FUT8: variants seen among roughly 807,000 people sequenced by gnomAD.
FUT8 encodes the protein alpha-(1,6)-fucosyltransferase.
FUT8 carries 29 observed loss-of-function variants against 71.3 expected under a neutral mutation model. The ratio of observed to expected loss-of-function variants is 0.41; its 90% CI spans 0.30 to 0.55. The LOEUF is 0.55. Ranked by LOEUF, FUT8 falls within the 20% of genes least tolerant of loss-of-function variation. The pLI is 0.34. For missense variants in FUT8, 544 were observed against 702.1 expected (o/e 0.77, Z 2.55); for synonymous variants, 254 against 239.3 (o/e 1.06, Z -0.57).
chr14:65,397,701 G>A, the FUT8 span, among the ~76,000 whole-genome samples: 18 of 152,370 alleles, frequency 1.2e-4, no homozygotes, highest in Admixed American at 2.6e-4. This position sits in a 1 kb window ranked among gnomAD's most constrained non-coding sequence, Gnocchi z 4.2. Flanking sequence ...GCTGGGACAG[G>A]CTCCAGCCAC....
chr14:65,569,863 A>G (rs980785452), intron 3 of FUT8, among the ~76,000 whole-genome samples: 4 of 152,080 alleles, frequency 2.6e-5, no homozygotes, highest in Admixed American at 2.6e-4. Flanking sequence ...CAGTGATTGA[A>G]CATGGCTGTG....
chr14:65,609,978 A>T (rs1323097652), intron 3 of FUT8, among the ~76,000 whole-genome samples: 1 of 151,552 alleles, frequency 6.6e-6, no homozygotes, highest in Non-Finnish European at 1.5e-5. Context: ...TTGCTATTGT[A>T]ACTAATAATG....
intron 1 of FUT8, among the ~76,000 whole-genome samples, chr14:65,441,357 A>T (rs2065652020): frequency 6.6e-6 from 1 of 152,218 alleles, no homozygotes; most frequent in African/African-American, 2.4e-5. Flanking sequence ...TTAGAAAAGT[A>T]TACATATATG....
chr14:65,677,756 A>G (rs1892831083), intron 7 of FUT8, among the ~76,000 whole-genome samples: 1 of 152,234 alleles, frequency 6.6e-6, no homozygotes, highest in Non-Finnish European at 1.5e-5. Context: ...TCTAGATGCC[A>G]TGGGAAATAT....
At chr14:65,492,851 G>A (rs1446711717) in intron 2 of FUT8, among the ~76,000 whole-genome samples, 2 of 152,080 alleles carry the variant, frequency 1.3e-5, no homozygotes, top group African/African-American at 4.8e-5. Flanking sequence ...CTAAGTCCAT[G>A]AGGCTTGTTT....
chr14:65,505,706 T>C (rs2066721402), intron 2 of FUT8, among the ~76,000 whole-genome samples: 1 of 152,288 alleles, frequency 6.6e-6, no homozygotes, highest in East Asian at 1.9e-4. Flanking sequence ...AGTGGAACTT[T>C]TATAGTATTT....
chr14:65,616,233 C>A lies in FUT8; in HGVS notation c.342C>A (p.Ile114=). 1 of 1,608,194 alleles carries A rather than the reference C, an allele frequency of 6.2e-7. No individual in the cohort carries two copies. The highest frequency in any genetic ancestry group is 8.5e-7 in the Non-Finnish European group (1 of 1,177,646). Residue 114 remains isoleucine, a synonymous_variant, in exon 5 of 11, where the codon ATC becomes ATA. Transcript: ENST00000673929. ...CAGGTCTGGGGAAGGATCATGAAAT[C>A]CTGAGGAGGAGGATTGAAAATGGAG... ...TRNGLGKDHE[I]LRRRIENGAK...
At chr14:65,440,909 G>A (rs1202148364) in intron 1 of FUT8, among the ~76,000 whole-genome samples, 1 of 152,110 alleles carries the variant, frequency 6.6e-6, no homozygotes, top group Non-Finnish European at 1.5e-5. Context: ...TCACCTAAAT[G>A]AGGCTGAGTA....
intron 1 of FUT8, among the ~76,000 whole-genome samples, chr14:65,445,838 A>G (rs2139512053): frequency 6.6e-6 from 1 of 152,334 alleles, no homozygotes; most frequent in Middle Eastern, 3.4e-3. Context: ...TATGTTGCCC[A>G]GGCTGGTTTG....
chr14:65,540,009 C>A (rs1884582609), intron 2 of FUT8, among the ~76,000 whole-genome samples: 1 of 152,156 alleles, frequency 6.6e-6, no homozygotes, highest in Admixed American at 6.5e-5. Context: ...AATGATACTT[C>A]AAAATTGTAA....
intron 7 of FUT8, among the ~76,000 whole-genome samples, chr14:65,712,369 T>C (rs971245659): frequency 2.6e-5 from 4 of 152,246 alleles, no homozygotes; most frequent in Non-Finnish European, 4.4e-5. Context: ...CTCTGAACTT[T>C]AGAGTTCAAG....
chr14:65,509,054 G>A (rs915056146), intron 2 of FUT8, among the ~76,000 whole-genome samples: 1 of 152,128 alleles, frequency 6.6e-6, no homozygotes, highest in African/African-American at 2.4e-5. Context: ...TTCATAGTTT[G>A]AGGTCTTAGA....
the FUT8 span, among the ~76,000 whole-genome samples, chr14:65,359,086 A>T: frequency 6.6e-6 from 1 of 152,112 alleles, no homozygotes; most frequent in South Asian, 2.1e-4. Flanking sequence ...CCTATTAAGA[A>T]CCAATCTTTT....
In FUT8 at chr14:65,468,311, G is replaced by A. The variant is rs984518859; in HGVS notation, c.-228+12593G>A. 3.0e-5 allele frequency: 18 copies of A among 608,544 alleles called. No individual in the cohort carries two copies. In the East Asian group the frequency reaches 3.2e-4, roughly 11 times the overall value. 37.7% of individuals were successfully genotyped at this position (608,544 alleles called of 1,614,324 possible). A position where few individuals can be genotyped will look rare whatever the true frequency, so the allele number is the denominator to read the frequency against. Reference sequence around the variant, plus strand: ...CTAAAAGGCCTAGAGAACATATATCGGGTGCCTCTCTTCTTTCCCTTTGTG... The same window carrying A: ...CTAAAAGGCCTAGAGAACATATATCAGGTGCCTCTCTTCTTTCCCTTTGTG... On this transcript the variant is annotated intron_variant, in intron 2 of 10. Coordinates refer to ENST00000673929, the MANE Select transcript of FUT8 (RefSeq NM_001371533.1).
intron 7 of FUT8, among the ~76,000 whole-genome samples, chr14:65,695,454 T>A (rs1004633360): frequency 3.9e-5 from 6 of 152,206 alleles, no homozygotes; most frequent in South Asian, 2.1e-4. Context: ...TTCATTTTTT[T>A]AAAAACTTTT....
chr14:65,639,392 TG>T (rs1255059903), intron 6 of FUT8, among the ~76,000 whole-genome samples: 2 of 152,124 alleles, frequency 1.3e-5, no homozygotes, highest in African/African-American at 4.8e-5. Context: ...TTGGATATAC[TG>T]GGCATTAGGT....
the FUT8 span, among the ~76,000 whole-genome samples, chr14:65,387,655 C>A: frequency 6.6e-6 from 1 of 152,170 alleles, no homozygotes; most frequent in African/African-American, 2.4e-5. Context: ...GAATATCTGC[C>A]AGGCTTTGTT....
At chr14:65,493,282 A>C (rs1356637895) in intron 2 of FUT8, among the ~76,000 whole-genome samples, 1 of 152,136 alleles carries the variant, frequency 6.6e-6, no homozygotes, top group Non-Finnish European at 1.5e-5. Flanking sequence ...ATAGTGAGGA[A>C]TCTTTCTATC....
intron 1 of FUT8, among the ~76,000 whole-genome samples, chr14:65,423,042 GT>G (rs2065323874): frequency 6.8e-6 from 1 of 146,744 alleles, no homozygotes; most frequent in Non-Finnish European, 1.5e-5. Flanking sequence ...CTGGAGTGCA[GT>G]GGCGCGATCT....
Sources: gnomAD v4.1 joint callset for allele counts (sites outside exome capture counted in the v4.1 genomes callset) on GRCh38, gnomAD v4.1.1 for gene constraint, Gnocchi (gnomAD v3.1) non-coding constraint, MANE v1.5 for transcripts, NCBI Gene and HGNC (gene_info 2026-07-23, HGNC 2026-07-21) for gene names.